RECK: variants seen among roughly 807,000 people sequenced by gnomAD.
RECK encodes the protein reversion-inducing cysteine-rich protein with Kazal motifs.
RECK carries 69 observed loss-of-function variants against 115.1 expected under a neutral mutation model. The observed-to-expected ratio is 0.60, with a 90% CI of 0.49 to 0.73. The LOEUF is 0.73. RECK is among the 30% of genes least tolerant of loss of function. The probability of loss-of-function intolerance (pLI) is 0.00; values close to 1 mark genes in which losing one functional copy is unlikely to be tolerated. For missense variants in RECK, 1,047 were observed against 1,203.7 expected (o/e 0.87, Z 1.93); for synonymous variants, 414 against 419.7 (o/e 0.99, Z 0.17).
rs143080722 is a variant in RECK at position 36,121,612 on chromosome 9, T to C, written c.2618T>C (p.Val873Ala). 1.2e-6 allele frequency: 2 copies of C among 1,614,058 alleles called. No homozygotes were observed. Among genetic ancestry groups the C allele is most frequent in the African/African-American group, 2.7e-5 (2 of 74,936 alleles). ...RMHVSVPQCD[V>A]FGYFSIESEI... ...CACGTGTCTGTCCCACAGTGTGATG[T>C]GTTTGGATACTTCAGCATTGAATCA... The change falls in exon 20 of 21, where the codon GTG becomes GCG. Residue 873 changes from valine to alanine, a missense_variant. Val to Ala is a moderately conservative substitution (Grantham distance 64). Transcript: ENST00000377966.
chr9:36,062,106 A>G (rs867218464), intron 4 of RECK, among the ~76,000 whole-genome samples: 3 of 151,642 alleles, frequency 2.0e-5, no homozygotes, highest in East Asian at 3.9e-4. Flanking sequence ...AATTTGCAGC[A>G]TTCCTGCAAG....
chr9:36,076,200 A>G (rs1314897449), intron 6 of RECK, among the ~76,000 whole-genome samples: 2 of 152,220 alleles, frequency 1.3e-5, no homozygotes, highest in Admixed American at 6.5e-5. Context: ...CTGTATTGCA[A>G]TGGACTATTT....
At chr9:36,078,744 C>A (rs1334321758) in intron 6 of RECK, among the ~76,000 whole-genome samples, 1 of 151,550 alleles carries the variant, frequency 6.6e-6, no homozygotes, top group African/African-American at 2.4e-5. Flanking sequence ...GGTACAAGGT[C>A]AAAAAAAGCC....
Position 36,122,834 on chromosome 9 carries a change from G to A in RECK, c.2705G>A (p.Cys902Tyr). 6.2e-7 allele frequency: 1 copy of A among 1,613,964 alleles called. No individual in the cohort carries two copies. Among genetic ancestry groups the A allele is most frequent in the Non-Finnish European group, 8.5e-7 (1 of 1,179,882 alleles). The change falls in exon 21 of 21, where the codon TGC becomes TAC. Residue 902 changes from cysteine to tyrosine, a missense_variant. Cys to Tyr is a radical substitution (Grantham distance 194, BLOSUM62 -2). Coordinates refer to ENST00000377966, the MANE Select transcript of RECK (RefSeq NM_021111.3). Reference sequence around the variant, plus strand: ...TGTTTCTCCTCACAGATTGAAGCCTGCAATAAAGAAGCAGAGAAGATTGAG... The same window carrying A: ...TGTTTCTCCTCACAGATTGAAGCCTACAATAAAGAAGCAGAGAAGATTGAG... Reference protein sequence around the residue: ...HYPKALQIEACNKEAEKIESL... With the variant: ...HYPKALQIEAYNKEAEKIESL...
chr9:36,057,260 A>G (rs1430104551), intron 2 of RECK, among the ~76,000 whole-genome samples: 2 of 152,084 alleles, frequency 1.3e-5, no homozygotes, highest in South Asian at 4.1e-4. Flanking sequence ...GGGTTTGATG[A>G]CAGTCTATTT....
rs530554805 is a variant in RECK at position 36,073,372 on chromosome 9, A to C, written c.406-7233A>C. On this transcript the variant is annotated intron_variant, in intron 6 of 20. Transcript: ENST00000377966. ...AGGCACATCAACTTAAATGCCTGAGAGGTATTGTCTACTCTTTCCTCTTTC... is the reference window on the plus strand; with the variant it reads ...AGGCACATCAACTTAAATGCCTGAGCGGTATTGTCTACTCTTTCCTCTTTC... 7.2e-3 allele frequency among the ~76,000 whole-genome samples: 1,088 copies of C among 152,100 alleles called. 12 individuals carry two copies. Among genetic ancestry groups the C allele is most frequent in the African/African-American group, 0.023 (969 of 41,464 alleles).
chr9:36,055,949 C>T (rs1535910), intron 2 of RECK, among the ~76,000 whole-genome samples: 83,163 of 151,830 alleles, frequency 0.55, 23,130 homozygotes, highest in East Asian at 0.79. Context: ...TTTCTCTTTT[C>T]CATTCTTTCT....
In RECK at chr9:36,102,085, T is replaced by G; in HGVS notation, c.1299-9T>G. On this transcript the variant is annotated splice_polypyrimidine_tract_variant and intron_variant, in intron 11 of 20. Coordinates refer to ENST00000377966, the MANE Select transcript of RECK (RefSeq NM_021111.3). The stretch of plus-strand genomic sequence containing the variant: ...CAAGCTCTAAACTTACGTGCATTTT[T>G]TTTTCAAGATCAGATTGTGTGGAGA... 6.2e-7 allele frequency: 1 copy of G among 1,609,438 alleles called. No homozygotes were observed. The highest frequency in any genetic ancestry group is 8.5e-7 in the Non-Finnish European group (1 of 1,178,744).
intron 15 of RECK, 94 bp downstream of exon 15, chr9:36,110,173 A>G: frequency 7.6e-7 from 1 of 1,313,546 alleles, no homozygotes; most frequent in Non-Finnish European, 1.0e-6. Flanking sequence ...TTAACTGCAA[A>G]TGTACACAAT....
rs558358499 is a variant in RECK, at chr9:36,086,188, T to C, written c.638-1506T>C. On this transcript the variant is annotated intron_variant, in intron 8 of 20. Transcript: ENST00000377966. ...AATTAAAGGCAGAGCCAAACTGATA[T>C]CTTGTCAGAGTTCGCTACTGTACTA... 2.6e-5 allele frequency: 4 copies of C among 152,362 alleles called. No homozygotes were observed. The East Asian group carries it at 5.8e-4, about 22-fold the overall frequency. 9.4% of individuals were successfully genotyped at this position (152,362 alleles called of 1,614,324 possible).
intron 6 of RECK, among the ~76,000 whole-genome samples, chr9:36,077,726 G>A (rs1433208406): frequency 6.6e-6 from 1 of 152,180 alleles, no homozygotes; most frequent in Non-Finnish European, 1.5e-5. Context: ...AGAGAAATAA[G>A]AGATGCTTGA....
chr9:36,090,922 G>T (rs900716135), intron 9 of RECK, among the ~76,000 whole-genome samples: 4 of 152,182 alleles, frequency 2.6e-5, no homozygotes, highest in African/African-American at 9.7e-5. Context: ...ATTAAATTTG[G>T]CACTGAGATT....
At chr9:36,054,082 CAG>C (rs1821418452) in intron 2 of RECK, among the ~76,000 whole-genome samples, 1 of 152,092 alleles carries the variant, frequency 6.6e-6, no homozygotes, top group Non-Finnish European at 1.5e-5. Flanking sequence ...AGAAGTGTAT[CAG>C]GGGTGTGGAG....
intron 14 of RECK, 30 bp from the exon 15 acceptor site, chr9:36,109,927 A>G: frequency 1.3e-6 from 2 of 1,580,160 alleles, no homozygotes; most frequent in Non-Finnish European, 8.7e-7. Context: ...TGCATGATAT[A>G]GATCAACATT....
Position 36,112,483 on chromosome 9 carries a change from C to A in RECK, c.2060+7C>A. On this transcript the variant is annotated splice_region_variant and intron_variant, in intron 16 of 20. Transcript: ENST00000377966. ...CCTGCCAAAAAAACCAAAGGTAAGT[C>A]AAATGGCTTCTTATTTTATTCAACT... 1 of 1,613,354 alleles carries A rather than the reference C, an allele frequency of 6.2e-7. No homozygotes were observed. Among genetic ancestry groups the A allele is most frequent in the South Asian group, 1.1e-5 (1 of 91,016 alleles).
At chr9:36,104,271 A>G (rs1215376791) in intron 12 of RECK, among the ~76,000 whole-genome samples, 1 of 127,910 alleles carries the variant, frequency 7.8e-6, no homozygotes, top group Non-Finnish European at 1.6e-5. Flanking sequence ...ATATACATAC[A>G]TAGCATGTGT....
chr9:36,112,275 C>G, intron 15 of RECK, 30 bp from the exon 16 acceptor site: 1 of 1,608,140 alleles, frequency 6.2e-7, no homozygotes, highest in Non-Finnish European at 8.5e-7. Flanking sequence ...TATACACATA[C>G]ATATTTTTGA....
chr9:36,057,779 C>G (rs980938908), intron 2 of RECK, among the ~76,000 whole-genome samples: 7 of 152,070 alleles, frequency 4.6e-5, no homozygotes, highest in African/African-American at 1.4e-4. Context: ...TGAGATCACA[C>G]CACTACACCC....
Position 36,123,149 on chromosome 9 carries a change from C to A in RECK, c.*104C>A. Reference sequence around the variant, plus strand: ...GTTGAATATTGGCCAAGGAAAGGCACATGTCACCTCTATTCGCCACACAGT... The same window carrying A: ...GTTGAATATTGGCCAAGGAAAGGCAAATGTCACCTCTATTCGCCACACAGT... On this transcript the variant is annotated 3_prime_UTR_variant, in exon 21 of 21. Transcript: ENST00000377966. 1.2e-6 allele frequency: 1 copy of A among 811,308 alleles called. No individual in the cohort carries two copies. The highest frequency in any genetic ancestry group is 2.0e-6 in the Non-Finnish European group (1 of 508,644). The allele number at this position is 811,308 out of a possible 1,614,324, so 50.3% of individuals were successfully genotyped here.
Sources: allele counts gnomAD v4.1 joint callset (sites outside exome capture counted in the v4.1 genomes callset), GRCh38; gene constraint gnomAD v4.1.1; transcripts MANE v1.5; gene names NCBI Gene and HGNC (gene_info 2026-07-23, HGNC 2026-07-21).